SGCZ: variants seen among roughly 807,000 people sequenced by gnomAD.
SGCZ encodes zeta-sarcoglycan.
SGCZ carries 40 observed loss-of-function variants against 41.3 expected under a neutral mutation model. The observed-to-expected ratio is 0.97, with a 90% CI of 0.75 to 1.26. The LOEUF is 1.26. Among genes scored for constraint, SGCZ ranks in the 50% most tolerant of loss-of-function variants. SGCZ has a pLI of 0.00. For missense variants in SGCZ, 552 were observed against 369.8 expected, an observed-to-expected ratio of 1.49 and a Z score of -4.04; for synonymous variants, 206 against 137.5, an observed-to-expected ratio of 1.50 and a Z score of -3.49.
intron 1 of SGCZ, among the ~76,000 whole-genome samples, chr8:14,774,209 T>G (rs987205493): frequency 2.0e-5 from 3 of 152,206 alleles, no homozygotes; most frequent in Non-Finnish European, 4.4e-5. Flanking sequence ...GAGAGAACTG[T>G]GCAGCCTGAA....
intron 1 of SGCZ, among the ~76,000 whole-genome samples, chr8:14,759,803 C>T (rs1799804287): frequency 1.3e-5 from 2 of 152,152 alleles, no homozygotes; most frequent in Non-Finnish European, 2.9e-5. Flanking sequence ...TAGTGAGTGT[C>T]TGTGATGGTG....
intron 2 of SGCZ, among the ~76,000 whole-genome samples, chr8:14,366,380 T>C (rs1195409039): frequency 6.6e-6 from 1 of 152,128 alleles, no homozygotes; most frequent in African/African-American, 2.4e-5. Flanking sequence ...CCATCCGATC[T>C]TGTAAGAATT....
At chr8:14,945,696 G>T (rs557123348) in intron 1 of SGCZ, among the ~76,000 whole-genome samples, 2 of 151,832 alleles carry the variant, frequency 1.3e-5, no homozygotes, top group South Asian at 4.2e-4. Flanking sequence ...CCAATCAGCT[G>T]GGGCCCAGAT....
chr8:14,887,868 T>A (rs1804869153), intron 1 of SGCZ, among the ~76,000 whole-genome samples: 1 of 152,148 alleles, frequency 6.6e-6, no homozygotes, highest in Admixed American at 6.6e-5. Context: ...AAAGACAGAA[T>A]TTCCTTCTTT....
chr8:14,722,948 TA>T (rs1481185666), intron 1 of SGCZ, among the ~76,000 whole-genome samples: 2 of 152,142 alleles, frequency 1.3e-5, no homozygotes, highest in African/African-American at 4.8e-5. Flanking sequence ...AAATCTAAAT[TA>T]CCAATTCAAT....
chr8:14,740,111 A>G (rs1799155955), intron 1 of SGCZ, among the ~76,000 whole-genome samples: 1 of 152,076 alleles, frequency 6.6e-6, no homozygotes, highest in Non-Finnish European at 1.5e-5. Context: ...GATTGTAGCT[A>G]TCAAGCATTA....
chr8:14,769,844 A>ACTT (rs1800177449), intron 1 of SGCZ, among the ~76,000 whole-genome samples: 1 of 131,190 alleles, frequency 7.6e-6, no homozygotes, highest in Non-Finnish European at 1.7e-5. Context: ...CAATGGCTCC[A>ACTT]CTTCTTGCTG....
At chr8:14,789,013 C>A (rs1013218262) in intron 1 of SGCZ, among the ~76,000 whole-genome samples, 1 of 152,000 alleles carries the variant, frequency 6.6e-6, no homozygotes, top group Non-Finnish European at 1.5e-5. Flanking sequence ...TTCGAAAACA[C>A]CTTATTTAAT....
chr8:14,889,685 G>C (rs1261844766), intron 1 of SGCZ, among the ~76,000 whole-genome samples: 1 of 151,582 alleles, frequency 6.6e-6, no homozygotes, highest in Non-Finnish European at 1.5e-5. Flanking sequence ...TTATGTATTT[G>C]AACATATTAA....
Position 14,641,266 on chromosome 8 carries a change from T to C in SGCZ, c.40-86340A>G, listed in dbSNP as rs962072942. Among the ~76,000 whole-genome samples, 9 of 151,758 alleles carry C rather than the reference T, an allele frequency of 5.9e-5. No individual in the cohort carries two copies. The South Asian group carries it at 8.3e-4, about 14-fold the overall frequency. ...AAATCAGCAAAAGCAACAAAACACA[T>C]ACACATATATGTACACATATAATAT... is the stretch of plus-strand genomic sequence containing the variant. On this transcript the variant is annotated intron_variant, in intron 1 of 7. Coordinates refer to ENST00000382080, the MANE Select transcript of SGCZ (RefSeq NM_139167.4).
intron 5 of SGCZ, among the ~76,000 whole-genome samples, chr8:14,156,441 A>C (rs908432565): frequency 6.6e-6 from 1 of 152,160 alleles, no homozygotes; most frequent in African/African-American, 2.4e-5. Flanking sequence ...AGCCTGGGTG[A>C]CGGAGTGAGA....
chr8:14,209,608 T>C (rs1330194139), intron 4 of SGCZ, among the ~76,000 whole-genome samples: 1 of 152,210 alleles, frequency 6.6e-6, no homozygotes, highest in East Asian at 1.9e-4. Flanking sequence ...ATATAGGACA[T>C]GTTCATATTA....
intron 1 of SGCZ, among the ~76,000 whole-genome samples, chr8:14,698,230 T>C (rs1003993577): frequency 2.6e-5 from 4 of 151,984 alleles, no homozygotes; most frequent in Non-Finnish European, 5.9e-5. Context: ...AATTTGCTTT[T>C]ATGTGAAGGT....
intron 4 of SGCZ, among the ~76,000 whole-genome samples, chr8:14,209,524 G>A (rs375345943): frequency 2.0e-5 from 3 of 151,888 alleles, no homozygotes; most frequent in African/African-American, 7.2e-5. Context: ...CATAAGAAGT[G>A]CTTAATAATT....
chr8:14,798,425 A>G (rs1388087120), intron 1 of SGCZ, among the ~76,000 whole-genome samples: 1 of 152,190 alleles, frequency 6.6e-6, no homozygotes, highest in Admixed American at 6.5e-5. Context: ...ATTCTCTGGA[A>G]GTACACTGGT....
At position 14,197,549 on chromosome 8, in the gene SGCZ, T is replaced by A. The variant is rs1805305088; in HGVS notation, c.425-32847A>T. Among the ~76,000 whole-genome samples, 7 of 150,910 alleles carry A rather than the reference T, an allele frequency of 4.6e-5. No individual in the cohort carries two copies. The South Asian group carries it at 1.1e-3, about 23-fold the overall frequency. Reference sequence around the variant, plus strand: ...TTCATTAAATTATGCCAGATCAAATTAAAAAAAAACAAATAATTATCTTAG... The same window carrying A: ...TTCATTAAATTATGCCAGATCAAATAAAAAAAAAACAAATAATTATCTTAG... On this transcript the variant is annotated intron_variant, in intron 4 of 7. Transcript: ENST00000382080.
intron 2 of SGCZ, among the ~76,000 whole-genome samples, chr8:14,470,842 C>G (rs1052473744): frequency 1.2e-4 from 19 of 152,108 alleles, no homozygotes; most frequent in Non-Finnish European, 2.2e-4. Context: ...CCACTGATAT[C>G]AAAATAGGCA....
chr8:15,215,896 G>A (rs1335660728), intron 1 of SGCZ, among the ~76,000 whole-genome samples: 1 of 152,156 alleles, frequency 6.6e-6, no homozygotes, highest in African/African-American at 2.4e-5. Context: ...ACTTTAATCC[G>A]AAGACAGAAA....
chr8:14,600,777 G>C (rs1463448465), intron 1 of SGCZ, among the ~76,000 whole-genome samples: 2 of 152,020 alleles, frequency 1.3e-5, no homozygotes, highest in Non-Finnish European at 1.5e-5. Context: ...TAGTATTTAA[G>C]TATAAAGTTT....
Sources: allele counts gnomAD v4.1 joint callset (sites outside exome capture counted in the v4.1 genomes callset), GRCh38; gene constraint gnomAD v4.1.1; transcripts MANE v1.5; gene names NCBI Gene and HGNC (gene_info 2026-07-23, HGNC 2026-07-21).